The following MMP26 variants were observed in gnomAD, a reference collection of about 807,000 sequenced individuals.
MMP26 encodes matrix metallopeptidase 26, also known as matrix metalloproteinase-26.
MMP26 carries 33 observed loss-of-function variants against 31.0 expected under a neutral mutation model. The ratio of observed to expected loss-of-function variants is 1.06; its 90% CI spans 0.81 to 1.42. The LOEUF is 1.42. Ranked by LOEUF, MMP26 falls within the 40% of genes most tolerant of loss-of-function variation. MMP26 has a pLI of 0.00. For synonymous variants in MMP26, 122 were observed against 114.9 expected, an observed-to-expected ratio of 1.06 and a Z score of -0.40; for missense variants, 347 against 316.1, an observed-to-expected ratio of 1.10 and a Z score of -0.74.
chr11:4,936,801 C>A (rs533233332), intron 2 of MMP26, among the ~76,000 whole-genome samples: 2 of 151,988 alleles, frequency 1.3e-5, no homozygotes, highest in Admixed American at 6.6e-5. Flanking sequence ...TAAAAATATA[C>A]CCTTTGTAAT....
intron 2 of MMP26, among the ~76,000 whole-genome samples, chr11:4,936,747 G>A (rs1846118810): frequency 6.6e-6 from 1 of 151,868 alleles, no homozygotes. Context: ...TTGTAATATG[G>A]GCCACTAAAA....
intron 2 of MMP26, among the ~76,000 whole-genome samples, chr11:4,909,974 A>C (rs1850964535): frequency 6.6e-6 from 1 of 152,096 alleles, no homozygotes. Context: ...TTTTGGTCAG[A>C]AAAACTGCAT....
intron 2 of MMP26, among the ~76,000 whole-genome samples, chr11:4,954,053 CA>C (rs201054695): frequency 0.024 from 2,956 of 125,060 alleles, 638 homozygotes; most frequent in African/African-American, 0.076. Context: ...GATTTCGTCT[CA>C]AAAAAAATTT....
intron 2 of MMP26, among the ~76,000 whole-genome samples, chr11:4,905,027 A>T (rs1850862051): frequency 6.6e-6 from 1 of 152,156 alleles, no homozygotes; most frequent in Non-Finnish European, 1.5e-5. Context: ...TGCACTAGAG[A>T]TGCATTCCCT....
At chr11:4,986,954 T>TCC in intron 2 of MMP26, among the ~76,000 whole-genome samples, 3 of 143,142 alleles carry the variant, frequency 2.1e-5, no homozygotes, top group African/African-American at 8.1e-5. Flanking sequence ...TCTCTCTCTC[T>TCC]CTCTCCCTCT....
intron 2 of MMP26, among the ~76,000 whole-genome samples, chr11:4,831,108 C>G (rs139530441): frequency 5.9e-5 from 9 of 152,294 alleles, no homozygotes; most frequent in South Asian, 2.1e-4. Context: ...GTTCCCCTTT[C>G]CTTCACTACT....
At chr11:4,914,689 A>C (rs775391873) in intron 2 of MMP26, 1 of 1,499,880 alleles carries the variant, frequency 6.7e-7, no homozygotes, top group Admixed American at 1.8e-5. Flanking sequence ...GGCACGTTTC[A>C]GGAGACAGTG....
intron 1 of MMP26, among the ~76,000 whole-genome samples, chr11:4,725,048 C>T (rs556187883): frequency 4.6e-5 from 7 of 152,080 alleles, no homozygotes; most frequent in South Asian, 2.1e-4. Flanking sequence ...AGTGATTTCT[C>T]GTGAGATCTG....
At position 4,839,176 on chromosome 11, in the gene MMP26, A is replaced by T. The variant is rs73403076; in HGVS notation, c.-145+71835A>T. ...TAATCAGAGGGGAATCACTGATCCC[A>T]GCAGTCAAAACTGGACTTCCTGTAA... On this transcript the variant is annotated intron_variant, in intron 2 of 7. Coordinates refer to ENST00000380390, the MANE Select transcript of MMP26 (RefSeq NM_021801.5). Among the ~76,000 whole-genome samples the T allele has an allele frequency of 4.1e-3, 624 of 152,262 alleles. 8 individuals are homozygous for T. The highest frequency in any genetic ancestry group is 0.014 in the African/African-American group (580 of 41,560).
intron 1 of MMP26, among the ~76,000 whole-genome samples, chr11:4,755,178 G>A (rs1215847425): frequency 6.6e-6 from 1 of 151,754 alleles, no homozygotes; most frequent in African/African-American, 2.4e-5. Context: ...ATTTTAATCG[G>A]CACTATCTGA....
At chr11:4,736,100 CTA>C (rs2133288129) in intron 1 of MMP26, 1 of 152,184 alleles carries the variant, frequency 6.6e-6, no homozygotes, top group African/African-American at 2.4e-5. Context: ...TGATTAAACA[CTA>C]TGTCTTGGAG....
chr11:4,795,202 A>G (rs968219805), intron 2 of MMP26: 18 of 152,244 alleles, frequency 1.2e-4, no homozygotes, highest in African/African-American at 4.1e-4. Flanking sequence ...AATATTAAAT[A>G]CAGCAGCCAC....
chr11:4,718,210 G>A (rs181469135), intron 1 of MMP26, among the ~76,000 whole-genome samples: 25 of 152,290 alleles, frequency 1.6e-4, no homozygotes, highest in African/African-American at 5.3e-4. Flanking sequence ...AAAAGCTAGC[G>A]TAATTCAATT....
chr11:4,865,049 A>C (rs1385216773), intron 2 of MMP26, among the ~76,000 whole-genome samples: 1 of 152,102 alleles, frequency 6.6e-6, no homozygotes, highest in Non-Finnish European at 1.5e-5. Context: ...TTATTAATTG[A>C]GTTCTACTGG....
chr11:4,987,392 GTTTTGTTTTTTGTGGTTTTT>G (rs1846917698), intron 2 of MMP26, among the ~76,000 whole-genome samples: 4 of 150,700 alleles, frequency 2.7e-5, no homozygotes, highest in Admixed American at 2.6e-4. Flanking sequence ...GATTTTTTTT[GTTTTGTTTTTTGTGGTTTTT>G]TTTTGTTTTT....
At chr11:4,873,175 C>A (rs923328287) in intron 2 of MMP26, among the ~76,000 whole-genome samples, 3 of 152,032 alleles carry the variant, frequency 2.0e-5, no homozygotes, top group Non-Finnish European at 4.4e-5. Flanking sequence ...GAATCAGGGG[C>A]CTCGTTTACT....
intron 1 of MMP26, among the ~76,000 whole-genome samples, chr11:4,759,589 A>G (rs905787501): frequency 6.6e-6 from 1 of 152,336 alleles, no homozygotes; most frequent in African/African-American, 2.4e-5. Context: ...ACAGATTAAA[A>G]TATTACATAT....
intron 1 of MMP26, among the ~76,000 whole-genome samples, chr11:4,709,367 T>C (rs1194103435): frequency 1.3e-5 from 2 of 152,196 alleles, no homozygotes; most frequent in Non-Finnish European, 2.9e-5. Flanking sequence ...TTACACAATT[T>C]AGTGTCTGTG....
chr11:4,946,011 C>T, intron 2 of MMP26: 3 of 743,608 alleles, frequency 4.0e-6, no homozygotes, highest in Non-Finnish European at 6.7e-6. Flanking sequence ...TAGTTCTATT[C>T]TCATTCGCAG....
Sources: gnomAD v4.1 joint callset for allele counts (sites outside exome capture counted in the v4.1 genomes callset) on GRCh38, gnomAD v4.1.1 for gene constraint, MANE v1.5 for transcripts, NCBI Gene and HGNC (gene_info 2026-07-23, HGNC 2026-07-21) for gene names.